The following CFAP44 variants were observed in gnomAD, a reference collection of about 807,000 sequenced individuals.
CFAP44 encodes cilia- and flagella-associated protein 44.
CFAP44 carries 134 observed loss-of-function variants against 216.2 expected under a neutral mutation model. The observed-to-expected ratio is 0.62, with a 90% CI of 0.54 to 0.72. CFAP44 has a LOEUF of 0.72. Among genes scored for constraint, CFAP44 ranks in the 30% least tolerant of loss-of-function variants. The pLI is 0.00. For missense variants in CFAP44, 2,035 were observed against 2,182.1 expected (o/e 0.93, Z 1.34); for synonymous variants, 700 against 727.6 (o/e 0.96, Z 0.61).
At chr3:113,385,201 G>C (rs1388750099) in intron 15 of CFAP44, among the ~76,000 whole-genome samples, 1 of 152,182 alleles carries the variant, frequency 6.6e-6, no homozygotes, top group Non-Finnish European at 1.5e-5. Flanking sequence ...ATGAGGAACT[G>C]TGAGTCCATT....
At chr3:113,363,359 G>A in intron 20 of CFAP44, 52 bp from the exon 21 acceptor site, 1 of 1,574,636 alleles carries the variant, frequency 6.4e-7, no homozygotes, top group Non-Finnish European at 8.6e-7. Context: ...AAACAGCAGA[G>A]AAAGAGAAAA....
At chr3:113,369,344 C>A (rs1933069402) in intron 18 of CFAP44, among the ~76,000 whole-genome samples, 1 of 152,124 alleles carries the variant, frequency 6.6e-6, no homozygotes, top group South Asian at 2.1e-4. Flanking sequence ...TAAAACACTC[C>A]TCAGCAAATG....
intron 9 of CFAP44, 151 bp downstream of exon 9, chr3:113,403,701 A>G (rs754534981): frequency 8.5e-5 from 72 of 843,192 alleles, no homozygotes; most frequent in Non-Finnish European, 1.1e-4. Context: ...AATATTTACC[A>G]CAAGAGAAGC....
chr3:113,409,073 T>G (rs1011121674), intron 7 of CFAP44, 33 bp downstream of exon 7: 2 of 1,409,418 alleles, frequency 1.4e-6, no homozygotes, highest in East Asian at 4.8e-5. Flanking sequence ...TCCTGTGATA[T>G]CTACTGGCAC....
At chr3:113,393,726 A>G (rs2107351500) in intron 15 of CFAP44, among the ~76,000 whole-genome samples, 1 of 152,194 alleles carries the variant, frequency 6.6e-6, no homozygotes. Context: ...ATGTTGCCCA[A>G]GCTTGTCTCA....
At chr3:113,360,943 G>T in intron 21 of CFAP44, 1 of 235,262 alleles carries the variant, frequency 4.3e-6, no homozygotes. Context: ...AAAAAAGGCA[G>T]TTGAATTTGT....
Position 113,363,241 on chromosome 3 carries a change from T to C in CFAP44, c.2838A>G (p.Ala946=). The C allele has an allele frequency of 6.2e-7, 1 of 1,613,438 alleles. No homozygotes were observed. The highest frequency in any genetic ancestry group is 8.5e-7 in the Non-Finnish European group (1 of 1,179,794). The stretch of plus-strand genomic sequence containing the variant: ...AAGCTTTGATTTGCTCTCTCTTCCG[T>C]GCCTTTATTTCTCCCACTTCTTTCA... ...KLMKEVGEIK[A]RKREQIKALR... The change falls in exon 21 of 35, where the codon GCA becomes GCG. Residue 946 remains alanine, a synonymous_variant. Coordinates refer to ENST00000393845, the MANE Select transcript of CFAP44 (RefSeq NM_001164496.2).
chr3:113,428,257 C>A (rs1935014936), intron 2 of CFAP44, among the ~76,000 whole-genome samples: 1 of 152,218 alleles, frequency 6.6e-6, no homozygotes, highest in Non-Finnish European at 1.5e-5. Context: ...AAGTGTAACA[C>A]TCCTAACTGC....
intron 26 of CFAP44, among the ~76,000 whole-genome samples, chr3:113,328,165 T>G (rs1455443007): frequency 6.6e-6 from 1 of 151,806 alleles, no homozygotes; most frequent in Non-Finnish European, 1.5e-5. Context: ...CCATAGTATC[T>G]CTACAATCCC....
chr3:113,395,945 C>T (rs531118938), intron 14 of CFAP44, 85 bp from the exon 15 acceptor site: 33 of 911,074 alleles, frequency 3.6e-5, no homozygotes, highest in African/African-American at 8.5e-5. Flanking sequence ...AATAACATAA[C>T]GCTATCTCTA....
intron 28 of CFAP44, among the ~76,000 whole-genome samples, chr3:113,325,540 G>T (rs554521933): frequency 6.6e-6 from 1 of 151,888 alleles, no homozygotes; most frequent in African/African-American, 2.4e-5. Flanking sequence ...CGCCTCCTGG[G>T]TTCACGCCAT....
intron 18 of CFAP44, among the ~76,000 whole-genome samples, chr3:113,368,388 T>A (rs191980539): frequency 6.6e-6 from 1 of 152,248 alleles, no homozygotes; most frequent in Admixed American, 6.5e-5. Flanking sequence ...TAACAGCAGA[T>A]CTCTCGGCAG....
Position 113,431,891 on chromosome 3 carries a change from G to T in CFAP44, c.100+1674C>A, listed in dbSNP as rs569478867. On this transcript the variant is annotated intron_variant, in intron 2 of 34. Transcript: ENST00000393845. Reference sequence around the variant, plus strand: ...AAGATACCTAACATCGTGATAGTCAGTCAGAAAGAGCCAGCCATCTTTCAA... The same window carrying T: ...AAGATACCTAACATCGTGATAGTCATTCAGAAAGAGCCAGCCATCTTTCAA... Among the ~76,000 whole-genome samples, 109 of 152,266 alleles carry T rather than the reference G, an allele frequency of 7.2e-4. 1 individual carries two copies. Among genetic ancestry groups the T allele is most frequent in the African/African-American group, 2.4e-3 (99 of 41,550 alleles).
At chr3:113,421,048 A>C (rs1342657129) in intron 4 of CFAP44, among the ~76,000 whole-genome samples, 1 of 152,184 alleles carries the variant, frequency 6.6e-6, no homozygotes, top group African/African-American at 2.4e-5. Flanking sequence ...CCATCAACAG[A>C]TTAAACAGAC....
chr3:113,404,673 T>C (rs978658488), intron 8 of CFAP44, among the ~76,000 whole-genome samples: 8 of 152,350 alleles, frequency 5.3e-5, no homozygotes, highest in Non-Finnish European at 7.3e-5. Context: ...AGGGATACCA[T>C]GTACACTTGT....
intron 21 of CFAP44, 71 bp downstream of exon 21, chr3:113,363,073 GT>G: frequency 7.0e-7 from 1 of 1,429,422 alleles, no homozygotes; most frequent in South Asian, 1.8e-5. Flanking sequence ...GTTTCTACTT[GT>G]TGGGAAAATA....
At chr3:113,426,001 ATAAAACTTGATT>A (rs1934949588) in intron 4 of CFAP44, 111 bp downstream of exon 4, 1 of 1,171,366 alleles carries the variant, frequency 8.5e-7, no homozygotes, top group Admixed American at 2.3e-5. Context: ...CTGTGTTGCA[ATAAAACTTGATT>A]TACCAAAACA....
intron 24 of CFAP44, among the ~76,000 whole-genome samples, chr3:113,338,570 T>A (rs1950302616): frequency 6.6e-6 from 1 of 151,858 alleles, no homozygotes; most frequent in South Asian, 2.1e-4. Context: ...AATCCCCAAA[T>A]CTCTCTGCTG....
intron 22 of CFAP44, among the ~76,000 whole-genome samples, chr3:113,355,174 C>A (rs898132844): frequency 2.0e-5 from 3 of 152,000 alleles, no homozygotes; most frequent in Admixed American, 6.6e-5. Context: ...CACTAAAGAA[C>A]TTTTCATGTA....
Sources: gnomAD v4.1 joint callset for allele counts (sites outside exome capture counted in the v4.1 genomes callset) on GRCh38, gnomAD v4.1.1 for gene constraint, MANE v1.5 for transcripts, NCBI Gene and HGNC (gene_info 2026-07-23, HGNC 2026-07-21) for gene names.